Variants in EVC2 observed in about 807,000 individuals in gnomAD.
EVC2 encodes the protein limbin.
EVC2 carries 148 observed loss-of-function variants against 149.3 expected under a neutral mutation model. The ratio of observed to expected loss-of-function variants is 0.99; its 90% CI spans 0.87 to 1.14. EVC2 has a LOEUF of 1.14. Among genes scored for constraint, EVC2 ranks in the 50% most tolerant of loss-of-function variants. The pLI is 0.00. For synonymous variants in EVC2, 776 were observed against 649.9 expected (o/e 1.19, Z -2.95); for missense variants, 1,854 against 1,627.3 (o/e 1.14, Z -2.40).
At chr4:5,562,355 C>T, downstream of EVC2, 1 of 781,342 alleles carries the variant, frequency 1.3e-6, no homozygotes, top group Non-Finnish European at 1.6e-6. This position sits in a 1 kb window ranked among gnomAD's most constrained non-coding sequence, Gnocchi z 4.3. Context: ...CTCTATTGAA[C>T]ACCACACAGG....
At chr4:5,615,202 T>G (rs1228039916) in intron 16 of EVC2, among the ~76,000 whole-genome samples, 3 of 152,072 alleles carry the variant, frequency 2.0e-5, no homozygotes, top group African/African-American at 4.8e-5. Context: ...ATCCCCAGAC[T>G]GAGAAGTGGA....
chr4:5,700,736 C>G (rs1721772314), intron 1 of EVC2, among the ~76,000 whole-genome samples: 1 of 152,206 alleles, frequency 6.6e-6, no homozygotes, highest in African/African-American at 2.4e-5. Context: ...AGGCACCATG[C>G]CAGGTGCAGC....
chr4:5,541,250 G>A (rs921473302), downstream of EVC2, among the ~76,000 whole-genome samples: 3 of 152,094 alleles, frequency 2.0e-5, no homozygotes, highest in African/African-American at 7.2e-5. Context: ...ACTGTTCTAG[G>A]CACTGGGGAT....
At chr4:5,580,191 G>T (rs922740165) in intron 17 of EVC2, among the ~76,000 whole-genome samples, 1 of 152,172 alleles carries the variant, frequency 6.6e-6, no homozygotes, top group Non-Finnish European at 1.5e-5. Flanking sequence ...TAGGAAAGTG[G>T]TTTACACAGA....
At chr4:5,634,025 G>A (rs1716730839) in intron 10 of EVC2, among the ~76,000 whole-genome samples, 1 of 152,196 alleles carries the variant, frequency 6.6e-6, no homozygotes, top group African/African-American at 2.4e-5. Context: ...GCCAACACAT[G>A]GCATCCCCTG....
In EVC2 at chr4:5,622,824, G is replaced by T. The variant is rs1252837429; in HGVS notation, c.2214C>A (p.Thr738=). 2.5e-6 allele frequency: 4 copies of T among 1,614,056 alleles called. No individual in the cohort carries two copies. The East Asian group carries it at 8.9e-5, about 36-fold the overall frequency. Residue 738 remains threonine (T), a synonymous_variant, in exon 14 of 22, where the codon ACC becomes ACA. Coordinates refer to ENST00000344408, the MANE Select transcript of EVC2 (RefSeq NM_147127.5). This position sits in a 1 kb window ranked among gnomAD's most constrained non-coding sequence, Gnocchi z 5.8. Reference sequence around the variant, plus strand: ...CCTTTTCAAACAGCGAAAGGGTCAGGGTCCTGAGATCGTCCAGGGCGGCCT... The same window carrying T: ...CCTTTTCAAACAGCGAAAGGGTCAGTGTCCTGAGATCGTCCAGGGCGGCCT... ...LDQAALDDLR[T]LTLSLFEKAT...
Position 5,640,971 on chromosome 4 carries a change from G to A in EVC2, c.1146-133C>T, listed in dbSNP as rs765054399. On this transcript the variant is annotated intron_variant, in intron 9 of 21. Coordinates refer to ENST00000344408, the MANE Select transcript of EVC2 (RefSeq NM_147127.5). This position sits in a 1 kb window ranked among gnomAD's most constrained non-coding sequence, Gnocchi z 4.6. ...TCGTCTTCCTTTTCTTCCTTTCCCC[G>A]CTCACTTCTGCTTCATCCAGTTATT... is the stretch of plus-strand genomic sequence containing the variant. The A allele has an allele frequency of 2.1e-4, 208 of 989,568 alleles. 1 individual carries two copies. In the East Asian group the frequency reaches 2.2e-3, roughly 11 times the overall value. The allele number at this position is 989,568 out of a possible 1,614,324, so 61.3% of individuals were successfully genotyped here. A position where few individuals can be genotyped will look rare whatever the true frequency, so the allele number is the denominator to read the frequency against.
chr4:5,551,245 C>T (rs1395752552), intron 21 of EVC2, among the ~76,000 whole-genome samples: 1 of 152,188 alleles, frequency 6.6e-6, no homozygotes, highest in African/African-American at 2.4e-5. Flanking sequence ...CACTCAATGC[C>T]AGCCCATGAA....
chr4:5,541,399 A>T (rs1216837559), downstream of EVC2, among the ~76,000 whole-genome samples: 4 of 152,210 alleles, frequency 2.6e-5, no homozygotes, highest in African/African-American at 4.8e-5. Context: ...GAAGCTCGGA[A>T]GCAGTTATTT....
At position 5,569,804 on chromosome 4, in the gene EVC2, G is replaced by C. The variant is rs946985910; in HGVS notation, c.3361-1164C>G. On this transcript the variant is annotated intron_variant, in intron 19 of 21. Coordinates refer to ENST00000344408, the MANE Select transcript of EVC2 (RefSeq NM_147127.5). The surrounding 1 kb of genome is among the most constrained non-coding windows in gnomAD (Gnocchi z 4.8). ...CATGGGGTCGCTGTGACCTTGGTAAGTGCTTTCAGTGAAGGCACGAGGAAA... is the reference window on the plus strand; with the variant it reads ...CATGGGGTCGCTGTGACCTTGGTAACTGCTTTCAGTGAAGGCACGAGGAAA... 2.0e-5 allele frequency among the ~76,000 whole-genome samples: 3 copies of C among 152,020 alleles called. No homozygotes were observed. Among genetic ancestry groups the C allele is most frequent in the Non-Finnish European group, 2.9e-5 (2 of 68,012 alleles).
rs576286625 is a variant in EVC2 at position 5,569,861 on chromosome 4, C to T, written c.3361-1221G>A. Among the ~76,000 whole-genome samples, 18 of 152,232 alleles carry T rather than the reference C, an allele frequency of 1.2e-4. No homozygotes were observed. Among genetic ancestry groups the T allele is most frequent in the Admixed American group, 1.1e-3 (17 of 15,302 alleles). Reference sequence around the variant, plus strand: ...GTTCCAAATACCAAAGCTCCTTCCACGTCCTGACGCTCCCCATCCATGGCC... The same window carrying T: ...GTTCCAAATACCAAAGCTCCTTCCATGTCCTGACGCTCCCCATCCATGGCC... On this transcript the variant is annotated intron_variant, in intron 19 of 21. Coordinates refer to ENST00000344408, the MANE Select transcript of EVC2 (RefSeq NM_147127.5). This position sits in a 1 kb window ranked among gnomAD's most constrained non-coding sequence, Gnocchi z 4.8.
In EVC2 at chr4:5,697,633, C is replaced by T. The variant is rs770636406; in HGVS notation, c.243G>A (p.Met81Ile). The change falls in exon 2 of 22, where the codon ATG becomes ATA. Residue 81 changes from methionine to isoleucine, a missense_variant. Coordinates refer to ENST00000344408, the MANE Select transcript of EVC2 (RefSeq NM_147127.5). Reference protein sequence around the residue: ...PESSTQDLPCMIWPKVECCHF... With the variant: ...PESSTQDLPCIIWPKVECCHF... ...GACAGCATTCCACTTTGGGCCAAATCATACAGGGCAAGTCCTAAAAAATTC... is the reference window on the plus strand; with the variant it reads ...GACAGCATTCCACTTTGGGCCAAATTATACAGGGCAAGTCCTAAAAAATTC... 1 of 1,613,912 alleles carries T rather than the reference C, an allele frequency of 6.2e-7. No homozygotes were observed. The highest frequency in any genetic ancestry group is 1.3e-5 in the African/African-American group (1 of 74,856).
the EVC2 span, among the ~76,000 whole-genome samples, chr4:5,536,600 T>C: frequency 9.7e-3 from 1,472 of 152,128 alleles, 18 homozygotes; most frequent in African/African-American, 0.015. Flanking sequence ...TTGGCTAACA[T>C]GGTGAAACCC....
intron 1 of EVC2, among the ~76,000 whole-genome samples, chr4:5,707,199 G>C (rs928003453): frequency 6.6e-6 from 1 of 152,214 alleles, no homozygotes; most frequent in African/African-American, 2.4e-5. Flanking sequence ...AGATGCAAGT[G>C]AAAGGACCCA....
At chr4:5,607,478 C>T (rs1482004183) in intron 16 of EVC2, among the ~76,000 whole-genome samples, 3 of 152,068 alleles carry the variant, frequency 2.0e-5, no homozygotes, top group Admixed American at 1.3e-4. Context: ...GTAATCAGTC[C>T]ATCAGAAGGA....
intron 16 of EVC2, 90 bp from the exon 17 acceptor site, chr4:5,584,940 C>A: frequency 7.1e-7 from 1 of 1,410,548 alleles, no homozygotes; most frequent in Non-Finnish European, 9.9e-7. Context: ...GTTCACAGAC[C>A]TGGGATTCTG....
chr4:5,599,487 C>T (rs948962843), intron 16 of EVC2, among the ~76,000 whole-genome samples: 5 of 152,004 alleles, frequency 3.3e-5, no homozygotes, highest in East Asian at 1.9e-4. Context: ...AACCAAACAC[C>T]GTATATTCTC....
chr4:5,550,922 C>T (rs1314082437), intron 21 of EVC2, among the ~76,000 whole-genome samples: 1 of 152,236 alleles, frequency 6.6e-6, no homozygotes, highest in African/African-American at 2.4e-5. Flanking sequence ...AGCCCCAAGC[C>T]TTGGCAGCCA....
the EVC2 span, among the ~76,000 whole-genome samples, chr4:5,529,030 A>G: frequency 4.2e-4 from 64 of 152,298 alleles, no homozygotes; most frequent in African/African-American, 1.4e-3. This position sits in a 1 kb window ranked among gnomAD's most constrained non-coding sequence, Gnocchi z 4.5. Flanking sequence ...GGATATATAT[A>G]TAGCTTACCC....
Sources: allele counts gnomAD v4.1 joint callset (sites outside exome capture counted in the v4.1 genomes callset), GRCh38; gene constraint gnomAD v4.1.1; non-coding constraint Gnocchi (gnomAD v3.1); transcripts MANE v1.5; gene names NCBI Gene and HGNC (gene_info 2026-07-23, HGNC 2026-07-21).